ANO7: variants seen among roughly 807,000 people sequenced by gnomAD.
The protein encoded by ANO7 is anoctamin 7.
ANO7 carries 114 observed loss-of-function variants against 115.8 expected under a neutral mutation model. That is an observed-to-expected ratio of 0.98 (90% confidence interval 0.85 to 1.15). The LOEUF (loss-of-function observed/expected upper bound fraction) is 1.15. Among genes scored for constraint, ANO7 ranks in the 50% most tolerant of loss-of-function variants. The pLI is 0.00. For synonymous variants in ANO7, 550 were observed against 498.2 expected, an observed-to-expected ratio of 1.10 and a Z score of -1.38; for missense variants, 1,302 against 1,201.2, an observed-to-expected ratio of 1.08 and a Z score of -1.24.
chr2:241,191,313 G>A, intron 3 of ANO7, 62 bp downstream of exon 3: 1 of 1,591,994 alleles, frequency 6.3e-7, no homozygotes, highest in South Asian at 1.1e-5. Flanking sequence ...GACACCACGG[G>A]GGTGCCCCCA....
At chr2:241,222,485 C>G (rs1398559640) in intron 21 of ANO7, among the ~76,000 whole-genome samples, 2 of 151,998 alleles carry the variant, frequency 1.3e-5, no homozygotes, top group African/African-American at 4.8e-5. Context: ...TCTCCCAGTC[C>G]CCAGTCTCTC....
downstream of ANO7, among the ~76,000 whole-genome samples, chr2:241,226,240 A>C (rs915253744): frequency 6.6e-6 from 1 of 151,728 alleles, no homozygotes; most frequent in Non-Finnish European, 1.5e-5. Flanking sequence ...GGAACTGGGG[A>C]CTTTGCATTT....
intron 18 of ANO7, among the ~76,000 whole-genome samples, chr2:241,215,314 C>T (rs1183792935): frequency 2.6e-5 from 4 of 152,232 alleles, no homozygotes; most frequent in Admixed American, 6.5e-5. Context: ...GATCCTCAGA[C>T]ACACGTCTGC....
At chr2:241,211,148 C>T (rs2149223012) in intron 15 of ANO7, among the ~76,000 whole-genome samples, 1 of 152,200 alleles carries the variant, frequency 6.6e-6, no homozygotes, top group African/African-American at 2.4e-5. Flanking sequence ...ACCCTGGGGG[C>T]ACTCCAGCAC....
intron 4 of ANO7, among the ~76,000 whole-genome samples, chr2:241,197,263 C>A (rs2068363072): frequency 6.6e-6 from 1 of 152,150 alleles, no homozygotes; most frequent in South Asian, 2.1e-4. Flanking sequence ...CCACGCCCAG[C>A]CAATTTTTGT....
the ANO7 span, chr2:241,239,862 C>T: frequency 4.2e-5 from 68 of 1,611,640 alleles, no homozygotes; most frequent in South Asian, 3.5e-4. The surrounding 1 kb of genome is among the most constrained non-coding windows in gnomAD (Gnocchi z 4.6). Flanking sequence ...CACCCCATCA[C>T]GGCCCCAGCA....
Position 241,206,410 on chromosome 2 carries a change from G to T in ANO7, c.981-1164G>T, listed in dbSNP as rs1254973006. ...GACAGGTGGACAGGAGTGCTCCCAGGCTGACACAGGTGGACAGGAGTGCTC... is the reference window on the plus strand; with the variant it reads ...GACAGGTGGACAGGAGTGCTCCCAGTCTGACACAGGTGGACAGGAGTGCTC... On this transcript the variant is annotated intron_variant, in intron 10 of 24. Coordinates refer to ENST00000674324, the MANE Select transcript of ANO7 (RefSeq NM_001370694.2). 1.1e-4 allele frequency among the ~76,000 whole-genome samples: 2 copies of T among 18,930 alleles called. 1 individual carries two copies. The highest frequency in any genetic ancestry group is 1.2e-3 in the Admixed American group (2 of 1,628). The allele number at this position is 18,930 out of a possible 152,430, so 12.4% of individuals were successfully genotyped here.
chr2:241,231,765 G>A, the ANO7 span, among the ~76,000 whole-genome samples: 2 of 152,088 alleles, frequency 1.3e-5, no homozygotes, highest in South Asian at 4.1e-4. Context: ...TAGCAGACAA[G>A]CAGACCAAGC....
downstream of ANO7, among the ~76,000 whole-genome samples, chr2:241,227,066 C>T (rs995809978): frequency 1.5e-4 from 23 of 150,678 alleles, no homozygotes; most frequent in Admixed American, 1.5e-3. Context: ...CAACTGCTGA[C>T]TGTCTGGCAG....
chr2:241,201,094 G>A (rs770314058), intron 6 of ANO7, among the ~76,000 whole-genome samples: 12 of 152,216 alleles, frequency 7.9e-5, no homozygotes, highest in Admixed American at 1.3e-4. Context: ...AGGCATAATC[G>A]GGAGCTGCTG....
Position 241,204,947 on chromosome 2 carries a change from C to T in ANO7, c.972C>T (p.Asp324=). Reference sequence around the variant, plus strand: ...TGGGCTGCTTCCTGGTGTTCTCAGACATACCCACGTGAGTGTTCCCTCTCC... The same window carrying T: ...TGGGCTGCTTCCTGGTGTTCTCAGATATACCCACGTGAGTGTTCCCTCTCC... ...FLVGCFLVFS[D]IPTQELCGSK... The change falls in exon 10 of 25, where the codon GAC becomes GAT. Residue 324 remains aspartate, a synonymous_variant. Coordinates refer to ENST00000674324, the MANE Select transcript of ANO7 (RefSeq NM_001370694.2). 6.2e-7 allele frequency: 1 copy of T among 1,614,004 alleles called. No homozygotes were observed. Among genetic ancestry groups the T allele is most frequent in the Non-Finnish European group, 8.5e-7 (1 of 1,179,882 alleles).
chr2:241,236,984 G>GGC, the ANO7 span, among the ~76,000 whole-genome samples: 1 of 148,220 alleles, frequency 6.7e-6, no homozygotes, highest in Non-Finnish European at 1.5e-5. Context: ...CCTTGGGGGG[G>GGC]GGGGGGGGGG....
chr2:241,191,574 A>C (rs1430577794), intron 3 of ANO7, among the ~76,000 whole-genome samples: 1 of 151,906 alleles, frequency 6.6e-6, no homozygotes, highest in East Asian at 1.9e-4. Flanking sequence ...TCTGACTCTT[A>C]TCTCTTGCAC....
chr2:241,206,964 G>C (rs1417331556), intron 10 of ANO7, among the ~76,000 whole-genome samples: 1 of 142,792 alleles, frequency 7.0e-6, no homozygotes, highest in Non-Finnish European at 1.5e-5. Flanking sequence ...GTGCTCCCAG[G>C]CTGACAGGTG....
At chr2:241,234,348 A>G in the ANO7 span, among the ~76,000 whole-genome samples, 1 of 152,216 alleles carries the variant, frequency 6.6e-6, no homozygotes, top group Non-Finnish European at 1.5e-5. Flanking sequence ...ACTGGGGCAG[A>G]TGCAGACCAA....
At chr2:241,227,042 T>C (rs1309106612), downstream of ANO7, among the ~76,000 whole-genome samples, 5 of 152,278 alleles carry the variant, frequency 3.3e-5, no homozygotes, top group East Asian at 9.6e-4. Context: ...CCACCCTCAA[T>C]GAGGGCTGCA....
In ANO7 at chr2:241,203,410, G is replaced by A. The variant is rs368326247; in HGVS notation, c.801G>A (p.Ala267=). 4.0e-5 allele frequency: 64 copies of A among 1,597,118 alleles called. No individual in the cohort carries two copies. Among genetic ancestry groups the A allele is most frequent in the South Asian group, 2.8e-4 (25 of 88,662 alleles). ...NQRQVLFQHW[A]RWGKWNKYQP... ...GCCAAGTCCTTTTCCAGCACTGGGC[G>A]CGCTGGGGCAAGTGGAACAAGTACC... Residue 267 remains alanine, a synonymous_variant, in exon 9 of 25, where the codon GCG becomes GCA. Coordinates refer to ENST00000674324, the MANE Select transcript of ANO7 (RefSeq NM_001370694.2). This position sits in a 1 kb window ranked among gnomAD's most constrained non-coding sequence, Gnocchi z 4.8.
downstream of ANO7, chr2:241,229,212 T>G: frequency 4.7e-6 from 1 of 214,818 alleles, no homozygotes; most frequent in Non-Finnish European, 9.5e-6. Context: ...AGGGCAAACG[T>G]TTGGCTTTTA....
At chr2:241,218,940 ATATTAT>A (rs968758303) in intron 21 of ANO7, among the ~76,000 whole-genome samples, 1 of 152,210 alleles carries the variant, frequency 6.6e-6, no homozygotes, top group Non-Finnish European at 1.5e-5. Flanking sequence ...TCAGGGGTTA[ATATTAT>A]TGTTATTTTA....
Sources: allele counts gnomAD v4.1 joint callset (sites outside exome capture counted in the v4.1 genomes callset), GRCh38; gene constraint gnomAD v4.1.1; non-coding constraint Gnocchi (gnomAD v3.1); transcripts MANE v1.5; gene names NCBI Gene and HGNC (gene_info 2026-07-23, HGNC 2026-07-21).